Variants in DGKB observed in about 807,000 individuals in gnomAD.
DGKB encodes the protein diacylglycerol kinase beta.
A neutral mutation model predicts 114.3 loss-of-function variants in DGKB; 67 were observed. The ratio of observed to expected loss-of-function variants is 0.59; its 90% CI spans 0.48 to 0.72. The LOEUF (loss-of-function observed/expected upper bound fraction) is 0.72. DGKB is among the 30% of genes least tolerant of loss of function. The pLI is 0.00. For missense variants in DGKB, 907 were observed against 975.2 expected (o/e 0.93, Z 0.93); for synonymous variants, 398 against 323.1 (o/e 1.23, Z -2.49).
At chr7:14,840,845 T>G (rs1454443759) in intron 2 of DGKB, among the ~76,000 whole-genome samples, 2 of 151,996 alleles carry the variant, frequency 1.3e-5, no homozygotes, top group African/African-American at 4.8e-5. Flanking sequence ...TCTCACTCTC[T>G]GCGCCCGTTT....
intron 20 of DGKB, among the ~76,000 whole-genome samples, chr7:14,558,589 A>G (rs1796205070): frequency 6.6e-6 from 1 of 152,170 alleles, no homozygotes; most frequent in African/African-American, 2.4e-5. Flanking sequence ...ATTGATTTTA[A>G]TAAATTGTTC....
chr7:14,682,700 G>A, intron 11 of DGKB, 31 bp from the exon 12 acceptor site: 1 of 1,606,454 alleles, frequency 6.2e-7, no homozygotes. Flanking sequence ...TGTGATAAGA[G>A]GACACACTAC....
intron 23 of DGKB, among the ~76,000 whole-genome samples, chr7:14,214,297 G>A (rs1364952645): frequency 1.3e-5 from 2 of 151,994 alleles, no homozygotes; most frequent in African/African-American, 4.8e-5. Flanking sequence ...CTTACATTTA[G>A]CTTTTAACTT....
intron 19 of DGKB, among the ~76,000 whole-genome samples, chr7:14,576,045 C>T (rs1584916551): frequency 6.6e-6 from 1 of 152,120 alleles, no homozygotes; most frequent in Non-Finnish European, 1.5e-5. Context: ...TAATTACTCG[C>T]TACTTAATAC....
intron 23 of DGKB, among the ~76,000 whole-genome samples, chr7:14,205,955 G>A (rs1786732816): frequency 6.6e-6 from 1 of 151,948 alleles, no homozygotes; most frequent in African/African-American, 2.4e-5. Context: ...GTAGATAGAA[G>A]CAAGAAAAAC....
At chr7:14,567,724 A>T (rs1188729138) in intron 20 of DGKB, among the ~76,000 whole-genome samples, 1 of 149,558 alleles carries the variant, frequency 6.7e-6, no homozygotes, top group African/African-American at 2.5e-5. Context: ...GTCCTGCCTC[A>T]GCCTCCCAAG....
chr7:14,556,627 GT>G (rs763520590), intron 20 of DGKB, among the ~76,000 whole-genome samples: 114 of 151,810 alleles, frequency 7.5e-4, no homozygotes, highest in Non-Finnish European at 1.5e-3. Context: ...AGCAACTCTT[GT>G]TTTTATTTAA....
intron 23 of DGKB, among the ~76,000 whole-genome samples, chr7:14,210,744 G>A (rs1298597927): frequency 6.6e-6 from 1 of 152,046 alleles, no homozygotes; most frequent in Non-Finnish European, 1.5e-5. Context: ...GTCACCTAAT[G>A]CAGAGAAAAT....
intron 2 of DGKB, among the ~76,000 whole-genome samples, chr7:14,822,241 G>A (rs1036423840): frequency 2.6e-5 from 4 of 152,086 alleles, no homozygotes; most frequent in African/African-American, 7.2e-5. Context: ...ATATACATTT[G>A]GAAGTCATTG....
rs1187293972 is a variant in DGKB at position 14,148,357 on chromosome 7, A to ACTT, written c.*771_*773dup. 3.3e-5 allele frequency: 5 copies of ACTT among 152,494 alleles called. No homozygotes were observed. The allele number at this position is 152,494 out of a possible 1,614,324, so 9.4% of individuals were successfully genotyped here. A position where few individuals can be genotyped will look rare whatever the true frequency, so the allele number is the denominator to read the frequency against. ...ACATTGATTAGGCACATAGTTTAAA[A>ACTT]CTTCTATTTCGTTATTGGTGTGGTT... On this transcript the variant is annotated 3_prime_UTR_variant, in exon 26 of 26. Coordinates refer to ENST00000402815, the MANE Select transcript of DGKB (RefSeq NM_001350709.2).
At chr7:14,556,166 G>A (rs1301751897) in intron 20 of DGKB, among the ~76,000 whole-genome samples, 1 of 152,032 alleles carries the variant, frequency 6.6e-6, no homozygotes, top group Non-Finnish European at 1.5e-5. Context: ...TTATAACTTT[G>A]CATAAAATTA....
intron 1 of DGKB, among the ~76,000 whole-genome samples, chr7:14,886,369 C>G (rs533830609): frequency 2.6e-5 from 4 of 151,672 alleles, no homozygotes; most frequent in Admixed American, 1.3e-4. Flanking sequence ...ACAGAAAAAT[C>G]TAGTAGGAGA....
chr7:14,800,895 C>A (rs1842063198), intron 2 of DGKB, among the ~76,000 whole-genome samples: 1 of 151,432 alleles, frequency 6.6e-6, no homozygotes, highest in African/African-American at 2.4e-5. Flanking sequence ...TGTGAGTCAC[C>A]CCGCCAGGAA....
chr7:14,209,952 T>C (rs1022649426), intron 23 of DGKB, among the ~76,000 whole-genome samples: 1 of 151,988 alleles, frequency 6.6e-6, no homozygotes, highest in Non-Finnish European at 1.5e-5. Flanking sequence ...TCTGGTTGAA[T>C]ATGCAGGTGC....
intron 20 of DGKB, among the ~76,000 whole-genome samples, chr7:14,565,913 T>C (rs899499580): frequency 6.6e-6 from 1 of 152,296 alleles, no homozygotes; most frequent in Admixed American, 6.5e-5. Context: ...GCCAGATTAA[T>C]ATTTTTTCTT....
chr7:14,807,256 C>T (rs1023826332), intron 2 of DGKB, among the ~76,000 whole-genome samples: 1 of 151,906 alleles, frequency 6.6e-6, no homozygotes, highest in African/African-American at 2.4e-5. Context: ...CTCTGTTTCA[C>T]CTACTATATT....
intron 12 of DGKB, among the ~76,000 whole-genome samples, chr7:14,678,673 T>A (rs545602688): frequency 3.3e-5 from 5 of 152,108 alleles, no homozygotes; most frequent in African/African-American, 1.2e-4. Context: ...AAAGAAGGCA[T>A]ATAACAAACT....
At chr7:14,496,991 T>C (rs1299838481) in intron 20 of DGKB, among the ~76,000 whole-genome samples, 2 of 151,812 alleles carry the variant, frequency 1.3e-5, no homozygotes, top group Non-Finnish European at 2.9e-5. Flanking sequence ...ATATATACAA[T>C]GGAATACTAC....
chr7:14,727,933 A>C (rs1026994836), intron 5 of DGKB, among the ~76,000 whole-genome samples: 5 of 152,336 alleles, frequency 3.3e-5, no homozygotes, highest in Non-Finnish European at 5.9e-5. Flanking sequence ...TGGTGAAAGA[A>C]CATTTCTCCC....
Sources: gnomAD v4.1 joint callset for allele counts (sites outside exome capture counted in the v4.1 genomes callset) on GRCh38, gnomAD v4.1.1 for gene constraint, MANE v1.5 for transcripts, NCBI Gene and HGNC (gene_info 2026-07-23, HGNC 2026-07-21) for gene names.